TARS3: variants seen among roughly 807,000 people sequenced by gnomAD.
TARS3 encodes the protein threonyl-tRNA synthetase 3.
Under a neutral mutation model 103.5 loss-of-function variants are expected in TARS3, and 94 were observed. The observed-to-expected ratio is 0.91, with a 90% CI of 0.77 to 1.08. The LOEUF is 1.08. Ranked by LOEUF, TARS3 falls within the 50% of genes least tolerant of loss-of-function variation. The pLI, the probability that TARS3 is intolerant of heterozygous loss-of-function variation, is 0.00. For missense variants in TARS3, 952 were observed against 995.2 expected (o/e 0.96, Z 0.58); for synonymous variants, 416 against 355.4 (o/e 1.17, Z -1.92).
chr15:101,711,809 C>A, intron 5 of TARS3, 71 bp downstream of exon 5: 2 of 1,547,146 alleles, frequency 1.3e-6, no homozygotes, highest in South Asian at 2.5e-5. Context: ...AGTTACTAGG[C>A]TAGTATGTAA....
At chr15:101,701,464 G>A (rs924192125) in intron 9 of TARS3, among the ~76,000 whole-genome samples, 4 of 152,148 alleles carry the variant, frequency 2.6e-5, no homozygotes, top group Non-Finnish European at 5.9e-5. Flanking sequence ...GAGACAACAC[G>A]GTAGAAAGAC....
chr15:101,696,736 C>A (rs1312835278), intron 10 of TARS3, among the ~76,000 whole-genome samples: 1 of 152,134 alleles, frequency 6.6e-6, no homozygotes, highest in Non-Finnish European at 1.5e-5. Flanking sequence ...CCTAATTATA[C>A]CCACTCTGTC....
chr15:101,664,149 C>G (rs1269723338), intron 15 of TARS3: 1 of 152,386 alleles, frequency 6.6e-6, no homozygotes, highest in East Asian at 1.9e-4. Context: ...CCACCTGGCT[C>G]CAACTGTCAT....
chr15:101,710,802 AG>A (rs1899825546), intron 5 of TARS3, among the ~76,000 whole-genome samples: 1 of 152,146 alleles, frequency 6.6e-6, no homozygotes. Flanking sequence ...GGCTAACTTA[AG>A]GCAGAAACAA....
intron 9 of TARS3, among the ~76,000 whole-genome samples, chr15:101,701,456 G>T (rs1899271811): frequency 6.6e-6 from 1 of 152,206 alleles, no homozygotes; most frequent in African/African-American, 2.4e-5. Flanking sequence ...CTCATGGGGA[G>T]ACAACACGGT....
chr15:101,703,629 A>G (rs1351829061), intron 8 of TARS3, among the ~76,000 whole-genome samples: 1 of 152,188 alleles, frequency 6.6e-6, no homozygotes, highest in Non-Finnish European at 1.5e-5. Flanking sequence ...TATGAAAAAG[A>G]AATGTTATAA....
At chr15:101,722,642 TA>T (rs35018220) in intron 2 of TARS3, among the ~76,000 whole-genome samples, 220 of 58,746 alleles carry the variant, frequency 3.7e-3, no homozygotes, top group African/African-American at 0.015. Flanking sequence ...CCATCTCTAC[TA>T]AAAAAAAAAA....
intron 12 of TARS3, among the ~76,000 whole-genome samples, chr15:101,676,135 C>G (rs1042680031): frequency 6.6e-6 from 1 of 152,150 alleles, no homozygotes; most frequent in African/African-American, 2.4e-5. Flanking sequence ...AGTCGGGGGG[C>G]TGCATACGAT....
chr15:101,656,068 C>T (rs902961070), intron 18 of TARS3: 7 of 1,287,536 alleles, frequency 5.4e-6, no homozygotes, highest in Non-Finnish European at 5.1e-6. Context: ...GCATAAAGAA[C>T]CAGAGCAAGA....
At chr15:101,683,470 T>C (rs1004248619) in intron 12 of TARS3, among the ~76,000 whole-genome samples, 5 of 152,234 alleles carry the variant, frequency 3.3e-5, no homozygotes, top group African/African-American at 9.6e-5. Flanking sequence ...ATATGGTCTA[T>C]TTTAGTAAAT....
intron 15 of TARS3, among the ~76,000 whole-genome samples, chr15:101,666,342 G>A (rs1897578702): frequency 6.6e-6 from 1 of 151,834 alleles, no homozygotes; most frequent in Non-Finnish European, 1.5e-5. Context: ...CAGGCATGGT[G>A]GTGCATGCCT....
rs775404187 is a variant in TARS3, at chr15:101,724,379, G to A, written c.9C>T (p.Ala3=). The A allele has an allele frequency of 7.3e-6, 11 of 1,505,692 alleles. No homozygotes were observed. In the Admixed American group the frequency reaches 2.4e-4, roughly 32 times the overall value. The allele number at this position is 1,505,692 out of a possible 1,614,324, so 93.3% of individuals were successfully genotyped here. The change falls in exon 1 of 19, where the codon GCC becomes GCT. Residue 3 remains alanine (A), a synonymous_variant. Coordinates refer to ENST00000335968, the MANE Select transcript of TARS3 (RefSeq NM_152334.3). ...CCACGGCCTCCGCCGCCAGGGCCTCGGCCGCCATCGCGGCCTCCCTCAGGC... is the reference window on the plus strand; with the variant it reads ...CCACGGCCTCCGCCGCCAGGGCCTCAGCCGCCATCGCGGCCTCCCTCAGGC... MA[A]EALAAEAVAS...
chr15:101,687,388 G>A (rs1392647024), intron 10 of TARS3, among the ~76,000 whole-genome samples: 1 of 152,118 alleles, frequency 6.6e-6, no homozygotes, highest in African/African-American at 2.4e-5. Context: ...GGGCAACAAA[G>A]CTAGACTCCA....
chr15:101,673,593 G>A (rs1279570847), intron 13 of TARS3, among the ~76,000 whole-genome samples: 2 of 152,152 alleles, frequency 1.3e-5, no homozygotes, highest in African/African-American at 4.8e-5. Flanking sequence ...AGTACTTTCA[G>A]ACTTTAAAGT....
At chr15:101,697,953 T>TTGTA (rs1264024143) in intron 10 of TARS3, among the ~76,000 whole-genome samples, 1 of 152,162 alleles carries the variant, frequency 6.6e-6, no homozygotes, top group Non-Finnish European at 1.5e-5. Context: ...TTTAAAGGAA[T>TTGTA]TGTACTAGCT....
Position 101,708,282 on chromosome 15 carries a change from A to C in TARS3, c.930+511T>G, listed in dbSNP as rs1318877028. Among the ~76,000 whole-genome samples the C allele has an allele frequency of 4.1e-5, 6 of 146,234 alleles. No homozygotes were observed. In the East Asian group the frequency reaches 7.8e-4, roughly 19 times the overall value. Reference sequence around the variant, plus strand: ...GAAAAAAAAAAAAAAAAAAAAAAAAAAAACCCAAAAAATAAAAAACAAAAT... The same window carrying C: ...GAAAAAAAAAAAAAAAAAAAAAAAACAAACCCAAAAAATAAAAAACAAAAT... On this transcript the variant is annotated intron_variant, in intron 6 of 18. Coordinates refer to ENST00000335968, the MANE Select transcript of TARS3 (RefSeq NM_152334.3).
chr15:101,690,781 A>T (rs1898680642), intron 10 of TARS3, among the ~76,000 whole-genome samples: 1 of 152,158 alleles, frequency 6.6e-6, no homozygotes, highest in South Asian at 2.1e-4. Context: ...TGTGATTTTA[A>T]TTGTATATTT....
At chr15:101,701,970 G>A (rs1223124961) in intron 9 of TARS3, among the ~76,000 whole-genome samples, 1 of 152,034 alleles carries the variant, frequency 6.6e-6, no homozygotes, top group East Asian at 1.9e-4. Context: ...TAGAGGTGGG[G>A]TTTCACCAAA....
chr15:101,715,198 G>C (rs1900084243), intron 3 of TARS3, among the ~76,000 whole-genome samples: 1 of 148,916 alleles, frequency 6.7e-6, no homozygotes, highest in Non-Finnish European at 1.5e-5. Context: ...CCAGGCTGGA[G>C]TGCAGTGGCG....
Sources: allele counts gnomAD v4.1 joint callset (sites outside exome capture counted in the v4.1 genomes callset), GRCh38; gene constraint gnomAD v4.1.1; transcripts MANE v1.5; gene names NCBI Gene and HGNC (gene_info 2026-07-23, HGNC 2026-07-21).